Variants in TPRX1 observed in about 807,000 individuals in gnomAD.
TPRX1 encodes the protein tetra-peptide repeat homeobox protein 1.
Under a neutral mutation model 8.1 loss-of-function variants are expected in TPRX1, and 2 were observed. That is an observed-to-expected ratio of 0.25 (90% confidence interval 0.10 to 0.78). The LOEUF (loss-of-function observed/expected upper bound fraction) is 0.78. Among genes scored for constraint, TPRX1 ranks in the 30% least tolerant of loss-of-function variants. The pLI is 0.70. For missense variants in TPRX1, 517 were observed against 586.9 expected, an observed-to-expected ratio of 0.88 and a Z score of 1.23; for synonymous variants, 257 against 254.1, an observed-to-expected ratio of 1.01 and a Z score of -0.11.
exon 1 of TPRX1, chr19:47,819,023 T>C (rs1354798628): frequency 9.1e-6 from 2 of 218,888 alleles, no homozygotes; most frequent in Non-Finnish European, 1.8e-5. Context: ...GATAGTTTGC[T>C]CAGAATGATG....
At chr19:47,817,308 G>A (rs913680936) in intron 2 of TPRX1, among the ~76,000 whole-genome samples, 6 of 152,190 alleles carry the variant, frequency 3.9e-5, no homozygotes, top group Non-Finnish European at 5.9e-5. Context: ...CCTCCCAGGC[G>A]GCTTCTGGTA....
Position 47,802,735 on chromosome 19 carries a change from C to T in TPRX1, c.567G>A (p.Leu189=), listed in dbSNP as rs1465471711. The stretch of plus-strand genomic sequence containing the variant: ...CAGGGATCGGGCCAGGGCCTGGACT[C>T]AGGGCAGCTGGGATGCCCTTCTGGG... Residue 189 remains leucine (L), a synonymous_variant, in exon 4 of 4, where the codon CTG becomes CTA. Transcript: ENST00000535759. The T allele has an allele frequency of 2.5e-6, 4 of 1,600,932 alleles. No homozygotes were observed. In the Admixed American group the frequency reaches 7.0e-5, roughly 28 times the overall value.
At chr19:47,818,256 CAT>C (rs1967863537) in intron 2 of TPRX1, among the ~76,000 whole-genome samples, 1 of 146,600 alleles carries the variant, frequency 6.8e-6, no homozygotes, top group African/African-American at 2.7e-5. Flanking sequence ...CCCATCCATC[CAT>C]CCATCCATCC....
rs548380113 is a variant in TPRX1, at chr19:47,815,114, T to TTATATATATATATATATATA, written c.151+3334_151+3353dup. Among the ~76,000 whole-genome samples the TTATATATATATATATATATA allele has an allele frequency of 2.4e-3, 152 of 63,280 alleles. 1 individual carries two copies. The highest frequency in any genetic ancestry group is 3.3e-3 in the Non-Finnish European group (119 of 36,290). 41.5% of individuals were successfully genotyped at this position (63,280 alleles called of 152,430 possible). Reference sequence around the variant, plus strand: ...GTGCTTAGCTCAATAAATAGATAAATTATATATATATATATATATATATAT... The same window carrying TTATATATATATATATATATA: ...GTGCTTAGCTCAATAAATAGATAAATTATATATATATATATATATATATATATATATATATATATATATAT... On this transcript the variant is annotated intron_variant, in intron 2 of 3. Transcript: ENST00000535759.
chr19:47,812,592 G>A (rs1205329066), intron 2 of TPRX1, among the ~76,000 whole-genome samples: 1 of 151,722 alleles, frequency 6.6e-6, no homozygotes, highest in East Asian at 1.9e-4. Flanking sequence ...AAAATTAGTC[G>A]GGCATGGTGG....
intron 2 of TPRX1, among the ~76,000 whole-genome samples, chr19:47,813,108 AAAAT>A (rs373835462): frequency 0.02 from 2,684 of 134,290 alleles, 34 homozygotes; most frequent in Non-Finnish European, 0.03. Flanking sequence ...CTGTGTCTCA[AAAAT>A]AAATAAATAA....
chr19:47,802,681 T>C, exon 4 of TPRX1: 1 of 1,570,146 alleles, frequency 6.4e-7, no homozygotes, highest in Non-Finnish European at 8.6e-7. Flanking sequence ...GGAGTGGGCC[T>C]GGGATCTGGG....
At chr19:47,803,835 C>A (rs1361369859) in intron 2 of TPRX1, 162 bp from the exon 2 acceptor site, 5 of 486,480 alleles carry the variant, frequency 1.0e-5, no homozygotes, top group Non-Finnish European at 1.1e-5. Flanking sequence ...CCTCTCTGGG[C>A]CTCAGGGTCC....
rs1967710761 is a variant in TPRX1 at position 47,804,012 on chromosome 19, CCTGCCCAGTCCT to C, written c.152-351_152-340del. ...CCTGACACTTGCAGGGGAGCCGCCA[CCTGCCCAGTCCT>C]CTGCTCCACTCAACTGCATGGTTTA... On this transcript the variant is annotated intron_variant, in intron 2 of 3. Transcript: ENST00000535759. Among the ~76,000 whole-genome samples, 12 of 151,002 alleles carry C rather than the reference CCTGCCCAGTCCT, an allele frequency of 7.9e-5. 1 individual carries two copies. Among genetic ancestry groups the C allele is most frequent in the Admixed American group, 7.9e-4 (12 of 15,110 alleles).
chr19:47,816,221 A>G (rs1362324706), intron 2 of TPRX1, among the ~76,000 whole-genome samples: 2 of 151,314 alleles, frequency 1.3e-5, no homozygotes, highest in Non-Finnish European at 2.9e-5. Flanking sequence ...GGCGCACACC[A>G]CCATACAGCT....
chr19:47,804,716 C>A (rs1171601090), intron 2 of TPRX1, among the ~76,000 whole-genome samples, 165 bp from the exon 1 acceptor site: 1 of 148,112 alleles, frequency 6.8e-6, no homozygotes, highest in Admixed American at 6.7e-5. Flanking sequence ...CATCACTGAT[C>A]AGGTACTGCC....
exon 4 of TPRX1, chr19:47,802,408 G>A (rs748312736): frequency 7.7e-7 from 1 of 1,298,034 alleles, no homozygotes; most frequent in South Asian, 1.3e-5. Context: ...CTGGGATCGG[G>A]ACTGAGATTG....
chr19:47,811,897 G>A (rs1023056844), intron 2 of TPRX1, among the ~76,000 whole-genome samples: 9 of 151,044 alleles, frequency 6.0e-5, no homozygotes, highest in South Asian at 2.1e-4. Context: ...ACGGAGTTTC[G>A]CTCTTGTTGC....
intron 2 of TPRX1, among the ~76,000 whole-genome samples, chr19:47,808,069 A>G (rs910283508): frequency 2.0e-5 from 3 of 152,070 alleles, no homozygotes; most frequent in African/African-American, 7.2e-5. Flanking sequence ...AGGTGGGACT[A>G]CAGGCAAGTA....
chr19:47,818,139 A>G (rs1846337009), intron 2 of TPRX1, among the ~76,000 whole-genome samples: 1 of 152,102 alleles, frequency 6.6e-6, no homozygotes, highest in Admixed American at 6.6e-5. Flanking sequence ...TTGGGAAAAC[A>G]TCACACCACT....
chr19:47,816,823 C>T (rs567132004), intron 2 of TPRX1, among the ~76,000 whole-genome samples: 30 of 152,280 alleles, frequency 2.0e-4, no homozygotes, highest in East Asian at 5.8e-4. Flanking sequence ...TGAGCCACCA[C>T]GCCCAGCCCA....
intron 2 of TPRX1, among the ~76,000 whole-genome samples, chr19:47,807,157 C>T (rs572350129): frequency 1.9e-4 from 29 of 152,206 alleles, no homozygotes; most frequent in African/African-American, 6.5e-4. Context: ...CCACCCATCT[C>T]GGCCTCCCAA....
chr19:47,808,899 A>G (rs1459817237), intron 2 of TPRX1, among the ~76,000 whole-genome samples: 1 of 152,216 alleles, frequency 6.6e-6, no homozygotes, highest in Non-Finnish European at 1.5e-5. Context: ...TTAGAAGATG[A>G]TTAATTTGTG....
Position 47,802,947 on chromosome 19 carries a change from G to A in TPRX1, c.355C>T (p.Arg119Trp), listed in dbSNP as rs755744247. 2.4e-5 allele frequency: 38 copies of A among 1,553,504 alleles called. No homozygotes were observed. In the Admixed American group the frequency reaches 2.9e-4, roughly 12 times the overall value. The change falls in exon 4 of 4, where the codon CGG (arginine) becomes TGG (tryptophan). Residue 119 changes from arginine to tryptophan, a missense_variant. Coordinates refer to ENST00000535759, the Ensembl canonical transcript of TPRX1. Reference sequence around the variant, plus strand: ...GGCTGCTGCTGGAGCCGCCGCTCCCGAGCTAGTTTGGCGCGGCGATTCTTG... The same window carrying A: ...GGCTGCTGCTGGAGCCGCCGCTCCCAAGCTAGTTTGGCGCGGCGATTCTTG...
Sources: allele counts gnomAD v4.1 joint callset (sites outside exome capture counted in the v4.1 genomes callset), GRCh38; gene constraint gnomAD v4.1.1; transcripts MANE v1.5; gene names NCBI Gene and HGNC (gene_info 2026-07-23, HGNC 2026-07-21).